GPR158: variants seen among roughly 807,000 people sequenced by gnomAD.
The protein encoded by GPR158 is metabotropic glycine receptor.
In GPR158, 30 loss-of-function variants were observed where a neutral mutation model predicts 78.2. That is an observed-to-expected ratio of 0.38 (90% CI 0.29 to 0.52). GPR158 has a LOEUF of 0.52. Ranked by LOEUF, GPR158 falls within the 20% of genes least tolerant of loss-of-function variation. GPR158 has a pLI of 0.83. For missense variants in GPR158, 1,463 were observed against 1,523.5 expected (o/e 0.96, Z 0.66); for synonymous variants, 581 against 591.1 (o/e 0.98, Z 0.25).
chr10:25,544,017 G>A (rs1836625765), intron 5 of GPR158, among the ~76,000 whole-genome samples: 1 of 152,176 alleles, frequency 6.6e-6, no homozygotes, highest in South Asian at 2.1e-4. Flanking sequence ...AAGGTAAAGG[G>A]AAGTTGGTAG....
intron 1 of GPR158, among the ~76,000 whole-genome samples, chr10:25,185,258 ATATATTTATGCTCATATAGGCATT>A (rs1564385212): frequency 6.6e-6 from 1 of 152,198 alleles, no homozygotes; most frequent in Non-Finnish European, 1.5e-5. Flanking sequence ...CTGTGTGTGC[ATATATTTATGCTCATATAGGCATT>A]TGTCAGATTA....
At chr10:25,418,862 G>T (rs919282578) in intron 4 of GPR158, among the ~76,000 whole-genome samples, 1 of 150,104 alleles carries the variant, frequency 6.7e-6, no homozygotes, top group Admixed American at 6.7e-5. Flanking sequence ...ACACACTGTA[G>T]TTGGTATTTT....
intron 4 of GPR158, among the ~76,000 whole-genome samples, chr10:25,459,150 A>G (rs1284897460): frequency 6.6e-6 from 1 of 151,940 alleles, no homozygotes; most frequent in Non-Finnish European, 1.5e-5. Context: ...TTTTTTTCCA[A>G]TCCATATTGT....
intron 2 of GPR158, among the ~76,000 whole-genome samples, chr10:25,348,881 C>T (rs56845226): frequency 0.056 from 8,492 of 152,046 alleles, 580 homozygotes; most frequent in African/African-American, 0.17. Context: ...GTTTAATTCA[C>T]GAAGTGTTCA....
intron 4 of GPR158, among the ~76,000 whole-genome samples, chr10:25,455,134 GC>G (rs747266552): frequency 2.0e-5 from 3 of 152,154 alleles, no homozygotes; most frequent in Non-Finnish European, 4.4e-5. Context: ...AAATAGAAAA[GC>G]AGGTTGGAAA....
At chr10:25,545,415 G>A (rs951895944) in intron 5 of GPR158, among the ~76,000 whole-genome samples, 2 of 152,070 alleles carry the variant, frequency 1.3e-5, no homozygotes, top group Admixed American at 6.6e-5. Flanking sequence ...GGCATGAGAT[G>A]GTATCTCATT....
At chr10:25,431,100 C>T (rs10430592) in intron 4 of GPR158, among the ~76,000 whole-genome samples, 10,289 of 127,272 alleles carry the variant, frequency 0.081, 1,033 homozygotes, top group African/African-American at 0.23. Flanking sequence ...AGAAAATTTT[C>T]GCAACCTACT....
intron 2 of GPR158, among the ~76,000 whole-genome samples, chr10:25,225,042 A>C (rs1853355236): frequency 6.6e-6 from 1 of 152,122 alleles, no homozygotes; most frequent in Non-Finnish European, 1.5e-5. Context: ...CTCACTTGAA[A>C]AGACTTTCTC....
chr10:25,368,395 G>A (rs1289715618), intron 2 of GPR158, among the ~76,000 whole-genome samples: 1 of 151,600 alleles, frequency 6.6e-6, no homozygotes, highest in Non-Finnish European at 1.5e-5. Flanking sequence ...TAAGAAAAAA[G>A]CAAATAACCT....
At chr10:25,198,068 A>G (rs1168794291) in intron 1 of GPR158, among the ~76,000 whole-genome samples, 2 of 152,196 alleles carry the variant, frequency 1.3e-5, no homozygotes. Flanking sequence ...GGGAACAGTC[A>G]CCTATTATCA....
intron 2 of GPR158, among the ~76,000 whole-genome samples, chr10:25,298,301 TTAAA>T (rs1035151400): frequency 5.9e-5 from 9 of 152,268 alleles, no homozygotes; most frequent in African/African-American, 2.2e-4. Context: ...ACTTTTGACT[TTAAA>T]TAGTGTTACC....
At chr10:25,211,544 T>G (rs1853130754) in intron 1 of GPR158, among the ~76,000 whole-genome samples, 1 of 152,148 alleles carries the variant, frequency 6.6e-6, no homozygotes, top group African/African-American at 2.4e-5. Flanking sequence ...ATAACCACAT[T>G]AATCCATTCA....
At chr10:25,440,299 T>TG (rs533055932) in intron 4 of GPR158, among the ~76,000 whole-genome samples, 1,543 of 152,148 alleles carry the variant, frequency 0.01, 8 homozygotes, top group Non-Finnish European at 0.015. Context: ...CCTTGAGGGG[T>TG]GGATAGGGCT....
In GPR158 at chr10:25,470,592, GT is replaced by G. The variant is rs1372869667; in HGVS notation, c.1404+3877del. On this transcript the variant is annotated intron_variant, in intron 5 of 10. Transcript: ENST00000376351. ...TTTTTCATAAAGTCATCCATATTAA[GT>G]TTTCTAATTTTCTAGCATAGAGTTA... Among the ~76,000 whole-genome samples the G allele has an allele frequency of 3.9e-5, 6 of 152,024 alleles. No homozygotes were observed. The East Asian group carries it at 9.6e-4, about 24-fold the overall frequency.
chr10:25,441,016 C>T (rs1272828374), intron 4 of GPR158, among the ~76,000 whole-genome samples: 4 of 152,226 alleles, frequency 2.6e-5, no homozygotes, highest in Middle Eastern at 3.4e-3. Flanking sequence ...AGGGAAGCAA[C>T]GTGCATAATA....
intron 4 of GPR158, among the ~76,000 whole-genome samples, chr10:25,420,420 T>G (rs1328536347): frequency 6.6e-6 from 1 of 152,188 alleles, no homozygotes; most frequent in African/African-American, 2.4e-5. Flanking sequence ...CCCAAAATGC[T>G]GGGATTACCA....
chr10:25,483,472 T>C (rs964629874), intron 5 of GPR158, among the ~76,000 whole-genome samples: 2 of 152,186 alleles, frequency 1.3e-5, no homozygotes, highest in African/African-American at 4.8e-5. Flanking sequence ...CTCACAGTAC[T>C]TCTGATCTCT....
intron 5 of GPR158, among the ~76,000 whole-genome samples, chr10:25,482,870 A>G (rs1049466037): frequency 2.6e-5 from 4 of 151,948 alleles, no homozygotes; most frequent in African/African-American, 4.8e-5. Flanking sequence ...GCTTCTAACA[A>G]TTCAATTTTT....
At chr10:25,273,761 C>T (rs541144534) in intron 2 of GPR158, among the ~76,000 whole-genome samples, 102 of 152,134 alleles carry the variant, frequency 6.7e-4, no homozygotes, top group African/African-American at 2.3e-3. Flanking sequence ...CTCACTGAAG[C>T]CTCGACCTCC....
Sources: gnomAD v4.1 joint callset for allele counts (sites outside exome capture counted in the v4.1 genomes callset) on GRCh38, gnomAD v4.1.1 for gene constraint, MANE v1.5 for transcripts, NCBI Gene and HGNC (gene_info 2026-07-23, HGNC 2026-07-21) for gene names.